PTPRB: variants seen among roughly 807,000 people sequenced by gnomAD.
PTPRB encodes protein tyrosine phosphatase receptor type B.
In PTPRB, 97 loss-of-function variants were observed where a neutral mutation model predicts 238.1. The observed-to-expected ratio is 0.41, with a 90% CI of 0.35 to 0.48. The LOEUF (loss-of-function observed/expected upper bound fraction) is 0.48, where lower values mean the gene tolerates loss of function less well. PTPRB is among the 20% of genes least tolerant of loss of function. The pLI is 0.30. For missense variants in PTPRB, 2,292 were observed against 2,681.9 expected, an observed-to-expected ratio of 0.85 and a Z score of 3.21; for synonymous variants, 970 against 995.4, an observed-to-expected ratio of 0.97 and a Z score of 0.48.
chr12:70,586,227 T>A (rs1287298673), intron 9 of PTPRB, among the ~76,000 whole-genome samples: 1 of 152,222 alleles, frequency 6.6e-6, no homozygotes, highest in Non-Finnish European at 1.5e-5. Flanking sequence ...TGCCAGACTG[T>A]CTTCCACAAT....
At chr12:70,540,646 T>G in intron 23 of PTPRB, 1 of 513,346 alleles carries the variant, frequency 1.9e-6, no homozygotes, top group African/African-American at 1.9e-5. Context: ...CCTCAGTCCT[T>G]TGGTAAGGGC....
chr12:70,562,358 T>G (rs550947046), intron 16 of PTPRB, among the ~76,000 whole-genome samples: 1 of 152,302 alleles, frequency 6.6e-6, no homozygotes, highest in Non-Finnish European at 1.5e-5. Context: ...TGTTTTTTGT[T>G]TGCAGCCCAG....
chr12:70,622,343 C>T, intron 3 of PTPRB, 47 bp downstream of exon 3: 1 of 1,588,042 alleles, frequency 6.3e-7, no homozygotes, highest in Non-Finnish European at 8.6e-7. Flanking sequence ...AGCAATGAGC[C>T]TCCTGAGACG....
At chr12:70,555,836 A>G (rs199828793) in intron 19 of PTPRB, 34 bp downstream of exon 19, 1 of 1,604,892 alleles carries the variant, frequency 6.2e-7, no homozygotes, top group Non-Finnish European at 8.5e-7. Context: ...CTCCAGTGAC[A>G]GGAGGCTCTG....
Position 70,608,276 on chromosome 12 carries a change from A to G in PTPRB, c.979+793T>C, listed in dbSNP as rs141692806. Reference sequence around the variant, plus strand: ...AGTCAGAAAACCTGAAAATTGTTAAAGAATTTAGAGCATGTCTGAGGGTAG... The same window carrying G: ...AGTCAGAAAACCTGAAAATTGTTAAGGAATTTAGAGCATGTCTGAGGGTAG... On this transcript the variant is annotated intron_variant, in intron 4 of 33. Transcript: ENST00000334414. Among the ~76,000 whole-genome samples, 1,291 of 152,356 alleles carry G rather than the reference A, an allele frequency of 8.5e-3. 9 individuals carry two copies. The highest frequency in any genetic ancestry group is 0.029 in the African/African-American group (1,208 of 41,578).
At chr12:70,619,492 T>C (rs1884831968) in intron 3 of PTPRB, among the ~76,000 whole-genome samples, 1 of 152,060 alleles carries the variant, frequency 6.6e-6, no homozygotes, top group Admixed American at 6.6e-5. Flanking sequence ...CTTTGATCAA[T>C]AGAATATCGC....
At chr12:70,592,967 C>T (rs1444558090) in intron 6 of PTPRB, among the ~76,000 whole-genome samples, 2 of 152,166 alleles carry the variant, frequency 1.3e-5, no homozygotes, top group African/African-American at 2.4e-5. Flanking sequence ...GTGGAATGCA[C>T]AAAAAGGTCT....
intron 3 of PTPRB, among the ~76,000 whole-genome samples, chr12:70,617,618 A>C (rs556793481): frequency 4.9e-4 from 74 of 152,304 alleles, no homozygotes; most frequent in Non-Finnish European, 8.2e-4. Flanking sequence ...GCATACTTTA[A>C]GTGACCCCAA....
At chr12:70,559,666 T>C in intron 17 of PTPRB, 42 bp from the exon 18 acceptor site, 1 of 1,520,486 alleles carries the variant, frequency 6.6e-7, no homozygotes, top group Non-Finnish European at 9.1e-7. Flanking sequence ...ATCACAGCTA[T>C]GCCATAACAT....
At chr12:70,555,776 A>G in intron 19 of PTPRB, 94 bp downstream of exon 19, 1 of 1,443,094 alleles carries the variant, frequency 6.9e-7, no homozygotes, top group Non-Finnish European at 9.3e-7. Context: ...AAGTGTATGC[A>G]AGTGAATAGC....
chr12:70,564,104 G>C, intron 15 of PTPRB, among the ~76,000 whole-genome samples: 1 of 152,152 alleles, frequency 6.6e-6, no homozygotes, highest in East Asian at 1.9e-4. Flanking sequence ...TCTTTGTGTT[G>C]GCATTGGCTC....
intron 4 of PTPRB, among the ~76,000 whole-genome samples, chr12:70,600,059 T>G (rs1008075571): frequency 6.6e-6 from 1 of 152,142 alleles, no homozygotes; most frequent in African/African-American, 2.4e-5. Flanking sequence ...CTTAATTGTT[T>G]TTGTGACAGC....
chr12:70,635,834 A>G lies in PTPRB; in HGVS notation c.288T>C (p.Tyr96=), dbSNP rs775531827. The G allele has an allele frequency of 2.5e-6, 4 of 1,613,616 alleles. No homozygotes were observed. The highest frequency in any genetic ancestry group is 3.4e-6 in the Non-Finnish European group (4 of 1,179,760). ...CCACCTCAAGGAAGCCTTCCTGATCATAGCAGGTCCATCGGGGTGCCTGGG... is the reference window on the plus strand; with the variant it reads ...CCACCTCAAGGAAGCCTTCCTGATCGTAGCAGGTCCATCGGGGTGCCTGGG... ...RCSQAPRWTC[Y]DQEGFLEVEN... Residue 96 remains tyrosine, a synonymous_variant, in exon 2 of 34, where the codon TAT becomes TAC. Coordinates refer to ENST00000334414, the MANE Select transcript of PTPRB (RefSeq NM_001109754.4).
chr12:70,633,394 C>A (rs992257906), intron 2 of PTPRB, among the ~76,000 whole-genome samples: 1 of 152,064 alleles, frequency 6.6e-6, no homozygotes, highest in African/African-American at 2.4e-5. Flanking sequence ...GAGCTATGAT[C>A]ACACCATGGC....
At chr12:70,537,462 T>G (rs1214407021) in intron 28 of PTPRB, among the ~76,000 whole-genome samples, 1 of 152,176 alleles carries the variant, frequency 6.6e-6, no homozygotes, top group African/African-American at 2.4e-5. Flanking sequence ...GCCTCAACTC[T>G]TCTGAGAGTT....
chr12:70,534,805 G>A lies in PTPRB; in HGVS notation c.6204+28C>T, dbSNP rs369855424. 115 of 1,611,030 alleles carry A rather than the reference G, an allele frequency of 7.1e-5. 1 individual carries two copies. Among genetic ancestry groups the A allele is most frequent in the Middle Eastern group, 6.6e-4 (4 of 6,068 alleles). On this transcript the variant is annotated intron_variant, in intron 30 of 33. Transcript: ENST00000334414. ...AGATCTCATTCATCTCCCCAAGCTC[G>A]GTTGTTAAGTCAAGCAAGCTAACAT...
intron 10 of PTPRB, 94 bp downstream of exon 10, chr12:70,580,942 A>G: frequency 5.1e-6 from 7 of 1,377,914 alleles, no homozygotes; most frequent in Non-Finnish European, 5.9e-6. Context: ...GCCAGGGATG[A>G]GTCTGATTTT....
At chr12:70,633,911 T>C (rs1431593053) in intron 2 of PTPRB, among the ~76,000 whole-genome samples, 2 of 152,150 alleles carry the variant, frequency 1.3e-5, no homozygotes, top group African/African-American at 4.8e-5. Flanking sequence ...ATCTCACTTC[T>C]TGTGTAAAAC....
Position 70,515,908 on chromosome 12 carries a change from T to C in PTPRB, c.*5581A>G, listed in dbSNP as rs1279735712. The C allele has an allele frequency of 1.4e-5, 2 of 148,132 alleles. No individual in the cohort carries two copies. Among genetic ancestry groups the C allele is most frequent in the South Asian group, 2.2e-4 (1 of 4,584 alleles). The allele number at this position is 148,132 out of a possible 1,614,324, so 9.2% of individuals were successfully genotyped here. On this transcript the variant is annotated 3_prime_UTR_variant, in exon 34 of 34. Transcript: ENST00000334414. ...AGTTTTATTCCTGTACTAGTGAGAA[T>C]GTATGCAAGATGCTATATAGATTTT...
Sources: gnomAD v4.1 joint callset for allele counts (sites outside exome capture counted in the v4.1 genomes callset) on GRCh38, gnomAD v4.1.1 for gene constraint, MANE v1.5 for transcripts, NCBI Gene and HGNC (gene_info 2026-07-23, HGNC 2026-07-21) for gene names.